OR6B3: variants seen among roughly 807,000 people sequenced by gnomAD.
OR6B3 encodes the protein olfactory receptor family 6 subfamily B member 3.
For missense variants in OR6B3, 315 were observed against 427.4 expected, an observed-to-expected ratio of 0.74 and a Z score of 2.32; for synonymous variants, 148 against 187.8, an observed-to-expected ratio of 0.79 and a Z score of 1.73.
upstream of OR6B3, among the ~76,000 whole-genome samples, chr2:240,050,942 A>G (rs945214853): frequency 6.6e-6 from 1 of 152,196 alleles, no homozygotes; most frequent in Non-Finnish European, 1.5e-5. Flanking sequence ...ATGTGGAGAA[A>G]TCATCGGCAA....
At position 240,045,331 on chromosome 2, in the gene OR6B3, C is replaced by T. The variant is rs754264620; in HGVS notation, c.742G>A (p.Val248Ile). 3.1e-6 allele frequency: 5 copies of T among 1,614,198 alleles called. No individual in the cohort carries two copies. In the South Asian group the frequency reaches 3.3e-5, roughly 11 times the overall value. ...AGCAAGGCTGTATAGAAGACGGTGA[C>T]CACGGTGAGGTGAGAGGCGCAGGTG... The change falls in exon 2 of 2, where the codon GTC becomes ATC. Residue 248 changes from valine to isoleucine, a missense_variant. Transcript: ENST00000641019.
At chr2:240,047,428 T>C (rs78763950), upstream of OR6B3, among the ~76,000 whole-genome samples, 21,311 of 152,054 alleles carry the variant, frequency 0.14, 2,010 homozygotes, top group African/African-American at 0.27. Context: ...TTTAAAGGTT[T>C]GAAACAGCAC....
At chr2:240,048,194 T>C (rs1395037498), upstream of OR6B3, among the ~76,000 whole-genome samples, 1 of 152,208 alleles carries the variant, frequency 6.6e-6, no homozygotes, top group African/African-American at 2.4e-5. Flanking sequence ...TGAAATCTAA[T>C]AAAACAGCTT....
chr2:240,053,226 A>G, the OR6B3 span, among the ~76,000 whole-genome samples: 1 of 152,200 alleles, frequency 6.6e-6, no homozygotes, highest in Admixed American at 6.5e-5. The surrounding 1 kb of genome is among the most constrained non-coding windows in gnomAD (Gnocchi z 4.1). Flanking sequence ...TTTATCCTGC[A>G]CGTTTCAGAA....
chr2:240,045,282 G>A (rs777646570), exon 2 of OR6B3: 1 of 1,614,218 alleles, frequency 6.2e-7, no homozygotes, highest in South Asian at 1.1e-5. Flanking sequence ...GGAATCAATG[G>A]CCTGGGGCCG....
chr2:240,051,916 A>G (rs903422170), upstream of OR6B3, among the ~76,000 whole-genome samples: 1 of 152,226 alleles, frequency 6.6e-6, no homozygotes, highest in African/African-American at 2.4e-5. Context: ...GCTAAATACC[A>G]GGATCATTCC....
chr2:240,045,430 T>C, exon 2 of OR6B3: 1 of 1,614,170 alleles, frequency 6.2e-7, no homozygotes, highest in Non-Finnish European at 8.5e-7. Flanking sequence ...TATGACAGCA[T>C]GGTGGCCAGG....
exon 2 of OR6B3, chr2:240,046,016 C>T (rs759294804): frequency 5.0e-6 from 8 of 1,612,780 alleles, no homozygotes; most frequent in South Asian, 2.2e-5. Context: ...GCCCTGGGGC[C>T]GTGGGGAAGC....
At chr2:240,048,330 G>A (rs1023245156), upstream of OR6B3, among the ~76,000 whole-genome samples, 1 of 152,128 alleles carries the variant, frequency 6.6e-6, no homozygotes, top group African/African-American at 2.4e-5. Flanking sequence ...ATGCCCCCCA[G>A]CCCCGTCCCC....
chr2:240,052,403 A>G, the OR6B3 span, among the ~76,000 whole-genome samples: 1 of 152,058 alleles, frequency 6.6e-6, no homozygotes, highest in Non-Finnish European at 1.5e-5. This position sits in a 1 kb window ranked among gnomAD's most constrained non-coding sequence, Gnocchi z 4.5. Flanking sequence ...CTACAATAAA[A>G]ATAAAATAAT....
At chr2:240,046,490 G>T (rs1486775590) in intron 1 of OR6B3, among the ~76,000 whole-genome samples, 1 of 152,174 alleles carries the variant, frequency 6.6e-6, no homozygotes. Flanking sequence ...TGTATTGTTT[G>T]AGTCTGACGC....
chr2:240,051,345 T>G (rs1042223619), upstream of OR6B3, among the ~76,000 whole-genome samples: 27 of 152,278 alleles, frequency 1.8e-4, no homozygotes, highest in Admixed American at 1.7e-3. Flanking sequence ...GAGTGACTGT[T>G]AAAGGCAAGA....
At chr2:240,045,161 G>A (rs1284334916) in exon 2 of OR6B3, 2 of 1,614,080 alleles carry the variant, frequency 1.2e-6, no homozygotes, top group Non-Finnish European at 1.7e-6. Context: ...TCAAGCCGAA[G>A]GCTTTTTTCA....
At chr2:240,051,231 C>T (rs151230386), upstream of OR6B3, among the ~76,000 whole-genome samples, 90 of 152,234 alleles carry the variant, frequency 5.9e-4, 1 homozygote, top group African/African-American at 2.0e-3. Flanking sequence ...CGCTATTTAC[C>T]AAGCACCTAA....
At chr2:240,048,886 G>A (rs78161856), upstream of OR6B3, among the ~76,000 whole-genome samples, 1 of 152,334 alleles carries the variant, frequency 6.6e-6, no homozygotes, top group Non-Finnish European at 1.5e-5. Context: ...AAGAAAGGCG[G>A]CCCAGAGCCA....
upstream of OR6B3, among the ~76,000 whole-genome samples, chr2:240,047,354 A>G (rs532214644): frequency 3.3e-5 from 5 of 152,362 alleles, no homozygotes; most frequent in African/African-American, 1.2e-4. Context: ...CTATGTGGTC[A>G]CTGAAAAGAA....
chr2:240,053,279 A>T, the OR6B3 span, among the ~76,000 whole-genome samples: 4 of 152,164 alleles, frequency 2.6e-5, no homozygotes, highest in Admixed American at 2.6e-4. The surrounding 1 kb of genome is among the most constrained non-coding windows in gnomAD (Gnocchi z 4.1). Context: ...TGTTTTTGAA[A>T]ATCAGAACAT....
chr2:240,049,041 G>C (rs1698226540), upstream of OR6B3, among the ~76,000 whole-genome samples: 1 of 152,196 alleles, frequency 6.6e-6, no homozygotes, highest in East Asian at 1.9e-4. Context: ...GGGTCAGCAG[G>C]GAGGAGGGCT....
intron 1 of OR6B3, 122 bp downstream of exon 2, chr2:240,046,830 G>C (rs1396532253): frequency 6.6e-6 from 1 of 152,286 alleles, no homozygotes; most frequent in Admixed American, 6.5e-5. Flanking sequence ...CCACACCTGA[G>C]TGTGTATTTT....
Sources: gnomAD v4.1 joint callset for allele counts (sites outside exome capture counted in the v4.1 genomes callset) on GRCh38, gnomAD v4.1.1 for gene constraint, Gnocchi (gnomAD v3.1) non-coding constraint, MANE v1.5 for transcripts, NCBI Gene and HGNC (gene_info 2026-07-23, HGNC 2026-07-21) for gene names.